SHROOM3: variants seen among roughly 807,000 people sequenced by gnomAD.
SHROOM3 encodes the protein protein Shroom3.
SHROOM3 carries 47 observed loss-of-function variants against 138.6 expected under a neutral mutation model. The ratio of observed to expected loss-of-function variants is 0.34; its 90% CI spans 0.27 to 0.43. The LOEUF is 0.43. Among genes scored for constraint, SHROOM3 ranks in the 20% least tolerant of loss-of-function variants. The pLI, the probability that SHROOM3 is intolerant of heterozygous loss-of-function variation, is 1.00. For missense variants in SHROOM3, 2,491 were observed against 2,596.5 expected, an observed-to-expected ratio of 0.96 and a Z score of 0.88; for synonymous variants, 1,062 against 1,063.3, an observed-to-expected ratio of 1.00 and a Z score of 0.02.
At chr4:76,576,986 C>T (rs140925745) in intron 2 of SHROOM3, among the ~76,000 whole-genome samples, 46 of 152,218 alleles carry the variant, frequency 3.0e-4, no homozygotes, top group Admixed American at 2.4e-3. Flanking sequence ...GCCAACTCAG[C>T]TGATTATTCA....
Position 76,738,799 on chromosome 4 carries a change from A to C in SHROOM3, c.626A>C (p.Tyr209Ser). 6.2e-7 allele frequency: 1 copy of C among 1,614,206 alleles called. No homozygotes were observed. The highest frequency in any genetic ancestry group is 8.5e-7 in the Non-Finnish European group (1 of 1,180,036). The change falls in exon 5 of 11, where the codon TAT becomes TCT. Residue 209 changes from tyrosine (Y) to serine (S), a missense_variant. By Grantham distance (144) the Tyr-to-Ser change is moderately radical. This residue lies in a region of SHROOM3 where 284 missense variants were observed against 322.8 expected (regional missense o/e 0.88). Coordinates refer to ENST00000296043, the MANE Select transcript of SHROOM3 (RefSeq NM_020859.4). ...GACCTCTCCAACTATGACCATGCTT[A>C]TCTAAGGCGGAGCCCTGACCAGTGC... ...TSDLSNYDHA[Y>S]LRRSPDQCSS...
chr4:76,611,434 G>A lies in SHROOM3; in HGVS notation c.323+55671G>A, dbSNP rs934022520. The stretch of plus-strand genomic sequence containing the variant: ...GATTTTTTTCTAAGAGCCATGGCAG[G>A]GGTGAAGGGGCACAAGGGAGCCACC... On this transcript the variant is annotated intron_variant, in intron 2 of 10. Transcript: ENST00000296043. 2.0e-5 allele frequency among the ~76,000 whole-genome samples: 3 copies of A among 151,976 alleles called. No homozygotes were observed. The East Asian group carries it at 5.8e-4, about 29-fold the overall frequency.
At chr4:76,753,000 G>A (rs1225671688) in intron 6 of SHROOM3, among the ~76,000 whole-genome samples, 2 of 152,194 alleles carry the variant, frequency 1.3e-5, no homozygotes, top group Non-Finnish European at 2.9e-5. Context: ...GCTGGGCAAA[G>A]GAGACGTCAC....
chr4:76,688,121 A>G (rs1719393654), intron 2 of SHROOM3, among the ~76,000 whole-genome samples: 1 of 152,220 alleles, frequency 6.6e-6, no homozygotes, highest in Admixed American at 6.5e-5. Flanking sequence ...AACAAACCAT[A>G]TTAACCTCTC....
intron 2 of SHROOM3, among the ~76,000 whole-genome samples, chr4:76,638,165 A>G (rs1439473894): frequency 6.6e-6 from 1 of 152,196 alleles, no homozygotes; most frequent in Non-Finnish European, 1.5e-5. Context: ...CCAAATGTGT[A>G]GAAAATCCAG....
chr4:76,443,172 C>T (rs760758407), intron 1 of SHROOM3, among the ~76,000 whole-genome samples: 73 of 152,140 alleles, frequency 4.8e-4, no homozygotes, highest in African/African-American at 1.2e-4. Flanking sequence ...TAAAGTCTTA[C>T]GCATTTTTTA....
intron 1 of SHROOM3, among the ~76,000 whole-genome samples, chr4:76,477,584 A>C (rs1217913527): frequency 6.6e-6 from 1 of 152,190 alleles, no homozygotes. Flanking sequence ...ATGTGTGTGC[A>C]TATATATAGA....
intron 3 of SHROOM3, among the ~76,000 whole-genome samples, chr4:76,726,281 C>G (rs945529229): frequency 3.9e-5 from 6 of 152,166 alleles, no homozygotes; most frequent in African/African-American, 1.4e-4. Context: ...CAGGCTCCCT[C>G]TCCCCTAAAT....
chr4:76,647,871 C>G (rs1486964887), intron 2 of SHROOM3, among the ~76,000 whole-genome samples: 2 of 151,832 alleles, frequency 1.3e-5, no homozygotes, highest in East Asian at 3.9e-4. Context: ...TGCACCCCAG[C>G]CTGGGAGACA....
chr4:76,712,522 CA>C (rs2110118642), intron 3 of SHROOM3, among the ~76,000 whole-genome samples: 1 of 152,272 alleles, frequency 6.6e-6, no homozygotes, highest in South Asian at 2.1e-4. Flanking sequence ...CTATCTTAAA[CA>C]TAAATAAATC....
intron 1 of SHROOM3, among the ~76,000 whole-genome samples, chr4:76,531,719 G>A (rs1300280644): frequency 6.6e-6 from 1 of 152,162 alleles, no homozygotes; most frequent in East Asian, 1.9e-4. Flanking sequence ...CAGCCAACCA[G>A]TCACTTTGGC....
chr4:76,730,257 GT>G, intron 3 of SHROOM3, among the ~76,000 whole-genome samples: 1 of 152,336 alleles, frequency 6.6e-6, no homozygotes, highest in Non-Finnish European at 1.5e-5. Flanking sequence ...TCTAGACCAT[GT>G]AGCTTAGAGC....
intron 2 of SHROOM3, among the ~76,000 whole-genome samples, chr4:76,677,973 G>C (rs1719088281): frequency 6.6e-6 from 1 of 152,168 alleles, no homozygotes; most frequent in Admixed American, 6.5e-5. Flanking sequence ...AAATGAAAGA[G>C]ATCCTAGAAA....
At position 76,521,032 on chromosome 4, in the gene SHROOM3, G is replaced by A. The variant is rs570306483; in HGVS notation, c.169-34577G>A. On this transcript the variant is annotated intron_variant, in intron 1 of 10. Transcript: ENST00000296043. Reference sequence around the variant, plus strand: ...ATCTTTGGCTGTGGAATAGCTTTCCGTGGCTGCTGCTAAGCTCAGGAGAGT... The same window carrying A: ...ATCTTTGGCTGTGGAATAGCTTTCCATGGCTGCTGCTAAGCTCAGGAGAGT... Among the ~76,000 whole-genome samples the A allele has an allele frequency of 3.5e-4, 54 of 152,302 alleles. No homozygotes were observed. In the South Asian group the frequency reaches 9.7e-3, roughly 27 times the overall value.
In SHROOM3 at chr4:76,756,897, A is replaced by T; in HGVS notation, c.5158A>T (p.Ile1720Leu). ...LKENSVKRKAIQRTVSSSGCE... is the reference protein window; with the variant it reads ...LKENSVKRKALQRTVSSSGCE... ...GGAAAACAGTGTAAAGAGGAAGGCCATACAGAGAACTGTCAGCTCTTCAGG... is the reference window on the plus strand; with the variant it reads ...GGAAAACAGTGTAAAGAGGAAGGCCTTACAGAGAACTGTCAGCTCTTCAGG... Residue 1720 changes from isoleucine (I) to leucine (L), a missense_variant, in exon 8 of 11, where the codon ATA becomes TTA. By Grantham distance (5) the Ile-to-Leu change is conservative. Around this residue, in one of 4 missense-constraint regions of SHROOM3, gnomAD observed 470 missense variants for 595.0 expected, o/e 0.79. Coordinates refer to ENST00000296043, the MANE Select transcript of SHROOM3 (RefSeq NM_020859.4). 2 of 1,614,164 alleles carry T rather than the reference A, an allele frequency of 1.2e-6. No homozygotes were observed. The highest frequency in any genetic ancestry group is 4.5e-5 in the East Asian group (2 of 44,876).
intron 2 of SHROOM3, among the ~76,000 whole-genome samples, chr4:76,557,289 A>G (rs1308835679): frequency 1.3e-5 from 2 of 151,628 alleles, no homozygotes; most frequent in African/African-American, 4.8e-5. Context: ...CCATAAAAAA[A>G]GAAGGAAATC....
intron 1 of SHROOM3, among the ~76,000 whole-genome samples, chr4:76,464,791 G>A (rs1731218749): frequency 6.6e-6 from 1 of 152,086 alleles, no homozygotes; most frequent in African/African-American, 2.4e-5. Flanking sequence ...TCTCTCTCCT[G>A]CACCACCATG....
At chr4:76,517,100 G>A (rs1027140869) in intron 1 of SHROOM3, among the ~76,000 whole-genome samples, 10 of 152,246 alleles carry the variant, frequency 6.6e-5, no homozygotes, top group African/African-American at 2.4e-4. Flanking sequence ...ATCATTGCAA[G>A]GAGAGCAATC....
chr4:76,500,727 G>A (rs182226965), intron 1 of SHROOM3, among the ~76,000 whole-genome samples: 193 of 152,146 alleles, frequency 1.3e-3, no homozygotes, highest in South Asian at 3.7e-3. Context: ...ATACCTTTTC[G>A]TGCGTTCATT....
Sources: allele counts gnomAD v4.1 joint callset (sites outside exome capture counted in the v4.1 genomes callset), GRCh38; gene constraint gnomAD v4.1.1; regional missense constraint gnomAD v4.1.1; transcripts MANE v1.5; gene names NCBI Gene and HGNC (gene_info 2026-07-23, HGNC 2026-07-21).